The following ARHGAP19 variants were observed in gnomAD, a reference collection of about 807,000 sequenced individuals.
ARHGAP19 encodes the protein Rho GTPase activating protein 19.
A neutral mutation model predicts 60.9 loss-of-function variants in ARHGAP19; 48 were observed. The observed-to-expected ratio is 0.79, with a 90% CI of 0.62 to 1.00. The LOEUF (loss-of-function observed/expected upper bound fraction) is 1.00, where lower values mean the gene tolerates loss of function less well. Among genes scored for constraint, ARHGAP19 ranks in the 50% least tolerant of loss-of-function variants. The probability of loss-of-function intolerance (pLI) is 0.00; values close to 1 mark genes in which losing one functional copy is unlikely to be tolerated. For missense variants in ARHGAP19, 562 were observed against 597.2 expected (o/e 0.94, Z 0.61); for synonymous variants, 209 against 215.5 (o/e 0.97, Z 0.27).
chr10:97,252,900 C>T (rs1396398934), intron 6 of ARHGAP19, among the ~76,000 whole-genome samples: 3 of 152,068 alleles, frequency 2.0e-5, no homozygotes, highest in African/African-American at 7.2e-5. Context: ...ATGTAATCAA[C>T]GTAAGTGTCC....
intron 1 of ARHGAP19, among the ~76,000 whole-genome samples, chr10:97,291,194 A>C (rs117610335): frequency 0.044 from 6,697 of 152,088 alleles, 213 homozygotes; most frequent in Non-Finnish European, 0.061. Context: ...ACGGCCACCC[A>C]CTTTGGGTCC....
At chr10:97,256,192 C>G in intron 6 of ARHGAP19, 126 bp downstream of exon 6, 1 of 786,896 alleles carries the variant, frequency 1.3e-6, no homozygotes, top group Non-Finnish European at 2.2e-6. Context: ...TTGCCACTGT[C>G]CATTCTGGTT....
Position 97,225,963 on chromosome 10 carries a change from TG to T in ARHGAP19, c.*158del. 1 of 663,402 alleles carries T rather than the reference TG, an allele frequency of 1.5e-6. No homozygotes were observed. Among genetic ancestry groups the T allele is most frequent in the Non-Finnish European group, 2.6e-6 (1 of 390,558 alleles). The allele number at this position is 663,402 out of a possible 1,614,324, so 41.1% of individuals were successfully genotyped here. ...CAGCTTGCAAACATCATCCAGTGAG[TG>T]GGGTTAGAGGTATCAGTCGGGTCAC... On this transcript the variant is annotated 3_prime_UTR_variant, in exon 12 of 12. Coordinates refer to ENST00000358531, the MANE Select transcript of ARHGAP19 (RefSeq NM_032900.6).
intron 6 of ARHGAP19, among the ~76,000 whole-genome samples, chr10:97,247,131 C>G (rs1017325082): frequency 6.6e-6 from 1 of 150,882 alleles, no homozygotes; most frequent in Non-Finnish European, 1.5e-5. Flanking sequence ...GAGCGAAACT[C>G]CATCTCAAAA....
At chr10:97,235,085 T>C in intron 9 of ARHGAP19, 132 bp downstream of exon 9, 1 of 776,330 alleles carries the variant, frequency 1.3e-6, no homozygotes, top group East Asian at 2.6e-5. Context: ...CAACATTTTG[T>C]CTTTACCCCC....
At chr10:97,229,265 T>C (rs368136378) in intron 10 of ARHGAP19, 40 bp from the exon 11 acceptor site, 1 of 1,486,730 alleles carries the variant, frequency 6.7e-7, no homozygotes, top group Non-Finnish European at 9.4e-7. Flanking sequence ...AATGTTCTAA[T>C]GCCATTCCTA....
intron 1 of ARHGAP19, among the ~76,000 whole-genome samples, chr10:97,292,054 A>G (rs149486403): frequency 1.5e-3 from 224 of 152,324 alleles, no homozygotes; most frequent in African/African-American, 5.3e-3. Flanking sequence ...GTCTTATTCA[A>G]TCTTGACACT....
rs1160361416 is a variant in ARHGAP19, at chr10:97,247,562, CA to C, written c.928-1226del. 7.2e-5 allele frequency among the ~76,000 whole-genome samples: 11 copies of C among 152,120 alleles called. No homozygotes were observed. The South Asian group carries it at 1.4e-3, about 20-fold the overall frequency. ...ATAAGATTAATCAAAAAATTGGATA[CA>C]ACCCAAATGTTCTTTAATAGAGAAC... On this transcript the variant is annotated intron_variant, in intron 6 of 11. Transcript: ENST00000358531.
chr10:97,288,490 G>A (rs1012979360), intron 1 of ARHGAP19, among the ~76,000 whole-genome samples: 1 of 151,306 alleles, frequency 6.6e-6, no homozygotes, highest in African/African-American at 2.4e-5. Context: ...TAAGGCAGGA[G>A]AATCGCTTGA....
chr10:97,241,222 G>A (rs549309638), intron 8 of ARHGAP19, among the ~76,000 whole-genome samples: 1 of 152,148 alleles, frequency 6.6e-6, no homozygotes, highest in African/African-American at 2.4e-5. Context: ...ACTCGGGGGA[G>A]GCTGAAGCAG....
intron 8 of ARHGAP19, among the ~76,000 whole-genome samples, chr10:97,239,217 G>A (rs61861820): frequency 0.24 from 35,878 of 152,082 alleles, 4,633 homozygotes; most frequent in Non-Finnish European, 0.3. Context: ...GGAGTGGGCC[G>A]GGAGCGGTGG....
chr10:97,265,064 G>A (rs1036613864), intron 2 of ARHGAP19, among the ~76,000 whole-genome samples, 158 bp from the exon 3 acceptor site: 1 of 152,122 alleles, frequency 6.6e-6, no homozygotes, highest in East Asian at 1.9e-4. Flanking sequence ...CAGAAAACGC[G>A]AGCAGGACAA....
chr10:97,262,840 G>A (rs1431002911), intron 4 of ARHGAP19, among the ~76,000 whole-genome samples: 2 of 152,164 alleles, frequency 1.3e-5, no homozygotes, highest in African/African-American at 4.8e-5. Flanking sequence ...AACACGTTGG[G>A]CACAGTGGCT....
intron 1 of ARHGAP19, among the ~76,000 whole-genome samples, chr10:97,282,676 T>G (rs1843100586): frequency 6.6e-6 from 1 of 152,126 alleles, no homozygotes; most frequent in Admixed American, 6.6e-5. Context: ...CTAGGGACCC[T>G]CTTCCTTGTA....
rs1008163429 is a variant in ARHGAP19 at position 97,222,341 on chromosome 10, G to C, written c.*3781C>G. ...GTTTCTCTTGTTGAGCAAGCTCAGG[G>C]ATAGGACAAAGGCAACCCTTGCTCT... is the stretch of plus-strand genomic sequence containing the variant. On this transcript the variant is annotated 3_prime_UTR_variant, in exon 12 of 12. Coordinates refer to ENST00000358531, the MANE Select transcript of ARHGAP19 (RefSeq NM_032900.6). The C allele has an allele frequency of 6.6e-6, 1 of 152,226 alleles. No homozygotes were observed. Among genetic ancestry groups the C allele is most frequent in the African/African-American group, 2.4e-5 (1 of 41,454 alleles). The allele number at this position is 152,226 out of a possible 1,614,324, so 9.4% of individuals were successfully genotyped here. A position where few individuals can be genotyped will look rare whatever the true frequency, so the allele number is the denominator to read the frequency against.
chr10:97,223,388 C>CTT lies in ARHGAP19; in HGVS notation c.*2733_*2734insAA, dbSNP rs1850840982. The CTT allele has an allele frequency of 6.6e-6, 1 of 152,152 alleles. No homozygotes were observed. The highest frequency in any genetic ancestry group is 2.4e-5 in the African/African-American group (1 of 41,412). The allele number at this position is 152,152 out of a possible 1,614,324, so 9.4% of individuals were successfully genotyped here. A position where few individuals can be genotyped will look rare whatever the true frequency, so the allele number is the denominator to read the frequency against. ...GATTCATTGGTCCCAATGCAAAAGT[C>CTT]TATCATTGTAAAAGGTGAGAAATTC... On this transcript the variant is annotated 3_prime_UTR_variant, in exon 12 of 12. Coordinates refer to ENST00000358531, the MANE Select transcript of ARHGAP19 (RefSeq NM_032900.6).
At chr10:97,274,960 T>A (rs1409163777) in intron 1 of ARHGAP19, 1 of 152,232 alleles carries the variant, frequency 6.6e-6, no homozygotes, top group African/African-American at 2.4e-5. Flanking sequence ...TGGATACCAA[T>A]GCTGAGGACA....
At chr10:97,286,444 T>C (rs990524745) in intron 1 of ARHGAP19, among the ~76,000 whole-genome samples, 2 of 152,126 alleles carry the variant, frequency 1.3e-5, no homozygotes, top group African/African-American at 4.8e-5. Flanking sequence ...ATACAAAAAT[T>C]AGCTGGACGT....
intron 8 of ARHGAP19, among the ~76,000 whole-genome samples, chr10:97,240,942 G>T (rs1842469411): frequency 6.6e-6 from 1 of 152,140 alleles, no homozygotes; most frequent in African/African-American, 2.4e-5. Flanking sequence ...ACTTCTGCGG[G>T]TTTCAATGTT....
Sources: gnomAD v4.1 joint callset for allele counts (sites outside exome capture counted in the v4.1 genomes callset) on GRCh38, gnomAD v4.1.1 for gene constraint, MANE v1.5 for transcripts, NCBI Gene and HGNC (gene_info 2026-07-23, HGNC 2026-07-21) for gene names.